CTNNA3: variants seen among roughly 807,000 people sequenced by gnomAD.
The protein encoded by CTNNA3 is catenin alpha-3.
A neutral mutation model predicts 95.7 loss-of-function variants in CTNNA3; 76 were observed. The ratio of observed to expected loss-of-function variants is 0.79; its 90% CI spans 0.66 to 0.96. The LOEUF (loss-of-function observed/expected upper bound fraction) is 0.96. Among genes scored for constraint, CTNNA3 ranks in the 40% least tolerant of loss-of-function variants. CTNNA3 has a pLI of 0.00. For missense variants in CTNNA3, 1,191 were observed against 1,089.8 expected, an observed-to-expected ratio of 1.09 and a Z score of -1.31; for synonymous variants, 431 against 374.4, an observed-to-expected ratio of 1.15 and a Z score of -1.74.
At chr10:67,630,035 T>C (rs1839089634) in intron 2 of CTNNA3, among the ~76,000 whole-genome samples, 3 of 152,166 alleles carry the variant, frequency 2.0e-5, no homozygotes. Context: ...AGAGCTCTCA[T>C]GGCAGAGCAC....
chr10:67,447,050 A>G (rs971338130), intron 5 of CTNNA3, among the ~76,000 whole-genome samples: 10 of 152,204 alleles, frequency 6.6e-5, no homozygotes, highest in Non-Finnish European at 1.0e-4. Flanking sequence ...GCTTGCAGTG[A>G]GCTGAGACCG....
At chr10:66,845,439 C>T (rs1290820145) in intron 7 of CTNNA3, among the ~76,000 whole-genome samples, 1 of 152,098 alleles carries the variant, frequency 6.6e-6, no homozygotes, top group Non-Finnish European at 1.5e-5. Flanking sequence ...TGCGGTGGCT[C>T]ACGCCCGTAA....
At chr10:67,572,951 T>C (rs1263667427) in intron 3 of CTNNA3, among the ~76,000 whole-genome samples, 1 of 152,152 alleles carries the variant, frequency 6.6e-6, no homozygotes. Context: ...TAGCTTGGCA[T>C]GGTGGTGCAC....
At chr10:67,360,734 C>T (rs1006429469) in intron 5 of CTNNA3, among the ~76,000 whole-genome samples, 7 of 151,940 alleles carry the variant, frequency 4.6e-5, no homozygotes, top group African/African-American at 1.7e-4. Context: ...GGGGGAGGTG[C>T]TACATACTTT....
At chr10:67,745,278 G>C (rs1841367786) in intron 1 of CTNNA3, among the ~76,000 whole-genome samples, 1 of 152,036 alleles carries the variant, frequency 6.6e-6, no homozygotes, top group African/African-American at 2.4e-5. Flanking sequence ...AACAACGATA[G>C]ACTGGATTAA....
At chr10:66,589,351 T>G (rs1801352145) in intron 10 of CTNNA3, among the ~76,000 whole-genome samples, 1 of 152,106 alleles carries the variant, frequency 6.6e-6, no homozygotes, top group South Asian at 2.1e-4. Flanking sequence ...TCACTTTGAT[T>G]GTGGCAATAT....
chr10:66,974,072 G>T (rs1296485835), intron 7 of CTNNA3, among the ~76,000 whole-genome samples: 1 of 152,054 alleles, frequency 6.6e-6, no homozygotes, highest in Non-Finnish European at 1.5e-5. Context: ...CAAAAAAGTT[G>T]CCCTGAGTCT....
chr10:66,779,678 C>T (rs1435181889), intron 7 of CTNNA3, among the ~76,000 whole-genome samples: 1 of 152,140 alleles, frequency 6.6e-6, no homozygotes, highest in East Asian at 1.9e-4. Context: ...GGACCTCTTT[C>T]AAGGTATAAC....
intron 7 of CTNNA3, among the ~76,000 whole-genome samples, chr10:66,941,819 T>A (rs1008072771): frequency 6.6e-6 from 1 of 152,204 alleles, no homozygotes; most frequent in Admixed American, 6.5e-5. Flanking sequence ...GAGGTTCTTA[T>A]ATCCAAGTTT....
intron 3 of CTNNA3, among the ~76,000 whole-genome samples, chr10:67,554,768 A>T (rs1169727297): frequency 6.6e-6 from 1 of 152,044 alleles, no homozygotes; most frequent in Admixed American, 6.6e-5. Context: ...ATTAGATCCC[A>T]TTTGTCAATT....
chr10:66,620,762 C>T (rs1844716802), intron 10 of CTNNA3, among the ~76,000 whole-genome samples: 1 of 152,130 alleles, frequency 6.6e-6, no homozygotes, highest in South Asian at 2.1e-4. Flanking sequence ...AAGCAGTTTC[C>T]TTCACAGTTT....
At chr10:66,195,174 T>C (rs1038619404) in intron 13 of CTNNA3, among the ~76,000 whole-genome samples, 3 of 151,992 alleles carry the variant, frequency 2.0e-5, no homozygotes, top group African/African-American at 7.2e-5. Flanking sequence ...ATCACTGGGA[T>C]TTAGAGAACA....
At chr10:66,880,105 T>C (rs16923649) in intron 7 of CTNNA3, among the ~76,000 whole-genome samples, 4,606 of 152,050 alleles carry the variant, frequency 0.03, 123 homozygotes, top group African/African-American at 0.069. Flanking sequence ...CAACTGCAGG[T>C]AATTGAACAT....
intron 5 of CTNNA3, among the ~76,000 whole-genome samples, chr10:67,285,585 G>A (rs1839565315): frequency 1.3e-5 from 2 of 152,288 alleles, no homozygotes; most frequent in Non-Finnish European, 2.9e-5. Flanking sequence ...AGAGGAGGCA[G>A]TCTAAAGAAT....
At chr10:65,951,864 C>A (rs1316837936) in intron 17 of CTNNA3, among the ~76,000 whole-genome samples, 1 of 152,012 alleles carries the variant, frequency 6.6e-6, no homozygotes, top group Admixed American at 6.5e-5. Flanking sequence ...CCCGTCTCTA[C>A]TAAAAATACA....
chr10:67,108,706 A>T (rs1164340409), intron 7 of CTNNA3, among the ~76,000 whole-genome samples: 1 of 152,178 alleles, frequency 6.6e-6, no homozygotes, highest in South Asian at 2.1e-4. Context: ...AGGTCTGTCT[A>T]CAGGCTCCAC....
At chr10:65,925,770 TACTGACTTTTTC>T (rs2077160532) in intron 17 of CTNNA3, among the ~76,000 whole-genome samples, 1 of 152,196 alleles carries the variant, frequency 6.6e-6, no homozygotes, top group Non-Finnish European at 1.5e-5. Flanking sequence ...TATTCCTTTC[TACTGACTTTTTC>T]ACTGTAGTAT....
At chr10:66,712,718 G>A (rs1187620315) in intron 9 of CTNNA3, among the ~76,000 whole-genome samples, 1 of 152,052 alleles carries the variant, frequency 6.6e-6, no homozygotes, top group Non-Finnish European at 1.5e-5. Flanking sequence ...AGTAGCATAA[G>A]AAAACCTTGC....
intron 3 of CTNNA3, among the ~76,000 whole-genome samples, chr10:67,553,004 C>T (rs1305800111): frequency 6.6e-6 from 1 of 152,074 alleles, no homozygotes; most frequent in Non-Finnish European, 1.5e-5. Flanking sequence ...CACCCAATCT[C>T]TTTCATTGCC....
Sources: gnomAD v4.1 joint callset for allele counts (sites outside exome capture counted in the v4.1 genomes callset) on GRCh38, gnomAD v4.1.1 for gene constraint, MANE v1.5 for transcripts, NCBI Gene and HGNC (gene_info 2026-07-23, HGNC 2026-07-21) for gene names.